Variants in PPHLN1 observed in about 807,000 individuals in gnomAD.
PPHLN1 encodes the protein periphilin-1.
PPHLN1 carries 29 observed loss-of-function variants against 51.3 expected under a neutral mutation model. The observed-to-expected ratio is 0.57, with a 90% CI of 0.42 to 0.77. The LOEUF (loss-of-function observed/expected upper bound fraction) is 0.77, where lower values mean the gene tolerates loss of function less well. Among genes scored for constraint, PPHLN1 ranks in the 30% least tolerant of loss-of-function variants. The pLI, the probability that PPHLN1 is intolerant of heterozygous loss-of-function variation, is 0.00. For missense variants in PPHLN1, 436 were observed against 438.4 expected (o/e 0.99, Z 0.05); for synonymous variants, 147 against 147.8 (o/e 0.99, Z 0.04).
chr12:42,397,977 T>G (rs1373132029), intron 8 of PPHLN1, among the ~76,000 whole-genome samples: 2 of 121,290 alleles, frequency 1.6e-5, no homozygotes, highest in Non-Finnish European at 3.7e-5. Flanking sequence ...CTGCCTCGGG[T>G]TTTTTTTTTT....
downstream of PPHLN1, chr12:42,448,358 A>AT (rs34304769): frequency 0.011 from 1,485 of 131,600 alleles, 16 homozygotes; most frequent in African/African-American, 0.034. Context: ...AATCTATTTG[A>AT]TTTTTTTTTT....
In PPHLN1 at chr12:42,384,961, C is replaced by T. The variant is rs769075783; in HGVS notation, c.533C>T (p.Ser178Phe). 10 of 1,612,124 alleles carry T rather than the reference C, an allele frequency of 6.2e-6. No individual in the cohort carries two copies. The highest frequency in any genetic ancestry group is 8.5e-6 in the Non-Finnish European group (10 of 1,178,290). Residue 178 changes from serine to phenylalanine, a missense_variant, in exon 6 of 10, where the codon TCC (serine) becomes TTC (phenylalanine). Physicochemically the swap from Ser to Phe is radical, Grantham distance 155 (BLOSUM62 -2). Transcript: ENST00000358314. ...ATAGAGTCCGTGCGTCCTGGTGCCT[C>T]CTACAAACGGCAGAATGAAGGAAAT... ...QHRKSVRPGASYKRQNEGNPE... is the reference protein window; with the variant it reads ...QHRKSVRPGAFYKRQNEGNPE...
intron 7 of PPHLN1, among the ~76,000 whole-genome samples, chr12:42,390,953 A>G (rs2077654716): frequency 6.6e-6 from 1 of 151,852 alleles, no homozygotes; most frequent in Non-Finnish European, 1.5e-5. Context: ...GGCGTGAGCC[A>G]CTGTGCCTAG....
intron 9 of PPHLN1, among the ~76,000 whole-genome samples, chr12:42,411,903 C>CAAAAAAAAA (rs1212289027): frequency 0.082 from 2,778 of 33,890 alleles, 360 homozygotes; most frequent in Admixed American, 0.1. Flanking sequence ...GACTCAGTCT[C>CAAAAAAAAA]AAAAAAAAAA....
intron 9 of PPHLN1, chr12:42,432,244 G>T (rs1207728550): frequency 3.8e-6 from 3 of 779,422 alleles, no homozygotes; most frequent in Non-Finnish European, 7.2e-6. Flanking sequence ...TACCATAACT[G>T]GAGGTGTAAT....
intron 3 of PPHLN1, among the ~76,000 whole-genome samples, chr12:42,354,914 G>A (rs2073857637): frequency 6.6e-6 from 1 of 152,112 alleles, no homozygotes; most frequent in African/African-American, 2.4e-5. Context: ...ATGTATCTTT[G>A]GCAATTAGCT....
intron 1 of PPHLN1, among the ~76,000 whole-genome samples, chr12:42,333,569 G>A (rs958413421): frequency 1.6e-4 from 24 of 151,534 alleles, no homozygotes; most frequent in Admixed American, 7.2e-4. Context: ...TGCAAGCTCC[G>A]CCTCCCGGGT....
intron 9 of PPHLN1, 75 bp downstream of exon 9, chr12:42,399,069 A>G: frequency 6.5e-7 from 1 of 1,531,924 alleles, no homozygotes; most frequent in Non-Finnish European, 8.8e-7. Flanking sequence ...TATTGAATAA[A>G]TATGCTTCAT....
chr12:42,350,207 G>A (rs1391847434), intron 2 of PPHLN1: 1 of 153,832 alleles, frequency 6.5e-6, no homozygotes, highest in Admixed American at 6.6e-5. Context: ...CCTCCCAGAC[G>A]GGGTGGTCGC....
chr12:42,439,952 T>A (rs2082804980), intron 9 of PPHLN1, among the ~76,000 whole-genome samples: 2 of 152,076 alleles, frequency 1.3e-5, no homozygotes, highest in African/African-American at 2.4e-5. Flanking sequence ...TTCACAAAAT[T>A]AATTACTGGG....
chr12:42,435,583 G>A lies in PPHLN1; in HGVS notation c.910-5732G>A, dbSNP rs74691467. On this transcript the variant is annotated intron_variant, in intron 9 of 9. Coordinates refer to ENST00000358314, the MANE Select transcript of PPHLN1 (RefSeq NM_201439.2). ...CAGTATTTAATATCAATGTGTTATC[G>A]CTTTTTTCCTGGCCTCATCAACACA... Among the ~76,000 whole-genome samples, 699 of 152,142 alleles carry A rather than the reference G, an allele frequency of 4.6e-3. 1 individual carries two copies. The highest frequency in any genetic ancestry group is 0.016 in the African/African-American group (671 of 41,506).
intron 1 of PPHLN1, among the ~76,000 whole-genome samples, chr12:42,333,161 C>G (rs1019230298): frequency 6.6e-6 from 1 of 152,058 alleles, no homozygotes; most frequent in Non-Finnish European, 1.5e-5. Flanking sequence ...GCAGTCTTTT[C>G]ATATTGTTAC....
At chr12:42,413,266 T>G (rs1376813777) in intron 9 of PPHLN1, among the ~76,000 whole-genome samples, 1 of 152,210 alleles carries the variant, frequency 6.6e-6, no homozygotes, top group Admixed American at 6.5e-5. Context: ...AAGTCTTTGT[T>G]CCATCTTGAG....
intron 4 of PPHLN1, among the ~76,000 whole-genome samples, chr12:42,364,750 A>G (rs2075086329): frequency 2.0e-5 from 3 of 152,042 alleles, no homozygotes; most frequent in Admixed American, 6.5e-5. Context: ...GGGAAACCCC[A>G]TCTCTACTAA....
chr12:42,404,833 G>A lies in PPHLN1; in HGVS notation c.909+5839G>A, dbSNP rs142935754. On this transcript the variant is annotated intron_variant, in intron 9 of 9. Coordinates refer to ENST00000358314, the MANE Select transcript of PPHLN1 (RefSeq NM_201439.2). ...TCACAAGGTCAGGAGTTCAAGACCA[G>A]CCTCACCAACATGGTGAAACCCTGT... 4.5e-3 allele frequency among the ~76,000 whole-genome samples: 691 copies of A among 152,200 alleles called. 1 individual carries two copies. Among genetic ancestry groups the A allele is most frequent in the African/African-American group, 0.016 (669 of 41,534 alleles).
At chr12:42,427,216 A>G (rs2081579945) in intron 9 of PPHLN1, among the ~76,000 whole-genome samples, 1 of 152,218 alleles carries the variant, frequency 6.6e-6, no homozygotes, top group African/African-American at 2.4e-5. Flanking sequence ...ATTTGAAGTT[A>G]TTGTGTTTAA....
At chr12:42,360,444 A>G (rs73122414) in intron 4 of PPHLN1, among the ~76,000 whole-genome samples, 39,754 of 137,274 alleles carry the variant, frequency 0.29, 6,917 homozygotes, top group Non-Finnish European at 0.39. Flanking sequence ...CAGTTCCTGA[A>G]GTGATGCTGA....
At chr12:42,352,470 C>T (rs1048561114) in intron 3 of PPHLN1, among the ~76,000 whole-genome samples, 4 of 150,250 alleles carry the variant, frequency 2.7e-5, no homozygotes, top group Admixed American at 6.6e-5. Context: ...GGTGCAGTGG[C>T]GCGATCTCGG....
In PPHLN1 at chr12:42,441,725, G is replaced by C; in HGVS notation, c.*216G>C. The C allele has an allele frequency of 8.4e-7, 1 of 1,191,046 alleles. No homozygotes were observed. The highest frequency in any genetic ancestry group is 1.1e-6 in the Non-Finnish European group (1 of 942,008). 73.8% of individuals were successfully genotyped at this position (1,191,046 alleles called of 1,614,324 possible). A position where few individuals can be genotyped will look rare whatever the true frequency, so the allele number is the denominator to read the frequency against. ...TTGTAGAGATGGGGTTCACCATGTT[G>C]GCCAGGCTAGTCTCTAACTCCTGGC... On this transcript the variant is annotated 3_prime_UTR_variant, in exon 10 of 10. Coordinates refer to ENST00000358314, the MANE Select transcript of PPHLN1 (RefSeq NM_201439.2).
Sources: allele counts gnomAD v4.1 joint callset (sites outside exome capture counted in the v4.1 genomes callset), GRCh38; gene constraint gnomAD v4.1.1; transcripts MANE v1.5; gene names NCBI Gene and HGNC (gene_info 2026-07-23, HGNC 2026-07-21).